The following RBFOX1 variants were observed in gnomAD, a reference collection of about 807,000 sequenced individuals.
The protein encoded by RBFOX1 is RNA binding fox-1 homolog 1, also known as RNA binding protein fox-1 homolog 1.
A neutral mutation model predicts 57.7 loss-of-function variants in RBFOX1; 8 were observed. The observed-to-expected ratio is 0.14, with a 90% CI of 0.08 to 0.25. RBFOX1 has a LOEUF of 0.25. Among genes scored for constraint, RBFOX1 ranks in the 10% least tolerant of loss-of-function variants. The probability of loss-of-function intolerance (pLI) is 1.00; values close to 1 mark genes in which losing one functional copy is unlikely to be tolerated. For missense variants in RBFOX1, 611 were observed against 548.5 expected, an observed-to-expected ratio of 1.11 and a Z score of -1.14; for synonymous variants, 326 against 222.4, an observed-to-expected ratio of 1.47 and a Z score of -4.15.
chr16:7,040,973 T>C (rs1254303711), intron 3 of RBFOX1, among the ~76,000 whole-genome samples: 4 of 151,892 alleles, frequency 2.6e-5, no homozygotes, highest in Middle Eastern at 3.2e-3. Flanking sequence ...TGGAGTGCAA[T>C]GATGCAATCT....
chr16:6,391,425 A>G lies in RBFOX1; in HGVS notation c.-64+74368A>G, dbSNP rs567959266. Among the ~76,000 whole-genome samples the G allele has an allele frequency of 5.9e-5, 9 of 151,600 alleles. No individual in the cohort carries two copies. The East Asian group carries it at 9.8e-4, about 16-fold the overall frequency. On this transcript the variant is annotated intron_variant, in intron 2 of 15. Transcript: ENST00000550418. ...CTGGGGAGGCTGAGGCAGGAGAATG[A>G]CGTGAACCCGGGAGGTGGAGCTTGC... is the stretch of plus-strand genomic sequence containing the variant.
intron 1 of RBFOX1, among the ~76,000 whole-genome samples, chr16:5,432,306 C>T (rs552126188): frequency 2.1e-5 from 3 of 145,630 alleles, no homozygotes; most frequent in South Asian, 2.2e-4. Flanking sequence ...CAGGCCTCGC[C>T]GCAAGAAGCC....
intron 2 of RBFOX1, among the ~76,000 whole-genome samples, chr16:6,446,315 T>G (rs1157195120): frequency 6.6e-6 from 1 of 152,178 alleles, no homozygotes; most frequent in African/African-American, 2.4e-5. Context: ...TAGGTGCTTT[T>G]AAAAATATTA....
chr16:5,362,863 G>T (rs62017697), intron 1 of RBFOX1, among the ~76,000 whole-genome samples: 1 of 151,980 alleles, frequency 6.6e-6, no homozygotes, highest in African/African-American at 2.4e-5. Context: ...ATGTGGCAGG[G>T]TTTCCTTTTT....
At chr16:5,852,014 G>C (rs912911831) in intron 3 of RBFOX1, among the ~76,000 whole-genome samples, 17 of 152,094 alleles carry the variant, frequency 1.1e-4, no homozygotes, top group African/African-American at 3.6e-4. Flanking sequence ...TTTTAAAATC[G>C]GGGACAATGA....
rs542963602 is a variant in RBFOX1 at position 5,549,325 on chromosome 16, C to T, written c.259-49577C>T. ...TGTTCTTGGTTGAACTTTGCTTTCT[C>T]TCCTGGGTCCCCTGCTGGTAACTGG... is the stretch of plus-strand genomic sequence containing the variant. On this transcript the variant is annotated intron_variant, in intron 2 of 2. Transcript: ENST00000585867. 6.6e-5 allele frequency among the ~76,000 whole-genome samples: 10 copies of T among 152,336 alleles called. No individual in the cohort carries two copies. In the East Asian group the frequency reaches 1.5e-3, roughly 23 times the overall value.
chr16:7,162,271 C>A (rs1176676864), intron 4 of RBFOX1, among the ~76,000 whole-genome samples: 1 of 152,286 alleles, frequency 6.6e-6, no homozygotes, highest in African/African-American at 2.4e-5. Flanking sequence ...TATTTCCTCT[C>A]TCTCCATATG....
At chr16:5,347,474 A>T (rs559185194) in intron 1 of RBFOX1, among the ~76,000 whole-genome samples, 1 of 152,262 alleles carries the variant, frequency 6.6e-6, no homozygotes, top group African/African-American at 2.4e-5. Flanking sequence ...AGAGATAATA[A>T]TTATCATTGA....
At chr16:6,252,248 C>A (rs1311745099) in intron 1 of RBFOX1, among the ~76,000 whole-genome samples, 1 of 152,076 alleles carries the variant, frequency 6.6e-6, no homozygotes, top group African/African-American at 2.4e-5. Context: ...AATACGCCCC[C>A]ACCCTAAACC....
At chr16:6,058,832 T>C (rs11644056) in intron 1 of RBFOX1, among the ~76,000 whole-genome samples, 1,229 of 81,786 alleles carry the variant, frequency 0.015, 20 homozygotes, top group East Asian at 0.13. Context: ...ACTCATTTAT[T>C]TATCCATCCA....
At chr16:6,350,952 G>A (rs1320274843) in intron 2 of RBFOX1, among the ~76,000 whole-genome samples, 1 of 152,192 alleles carries the variant, frequency 6.6e-6, no homozygotes, top group African/African-American at 2.4e-5. Context: ...TCCTCACCAC[G>A]AAATGCCTGA....
chr16:6,366,211 C>A (rs189676351), intron 2 of RBFOX1, among the ~76,000 whole-genome samples: 1 of 151,812 alleles, frequency 6.6e-6, no homozygotes, highest in Non-Finnish European at 1.5e-5. Context: ...CTGGAAGATG[C>A]ATCTTGCTGG....
At chr16:7,458,738 T>G (rs1469634041) in intron 4 of RBFOX1, among the ~76,000 whole-genome samples, 2 of 152,112 alleles carry the variant, frequency 1.3e-5, no homozygotes, top group East Asian at 1.9e-4. Context: ...CTCATTACCT[T>G]TTCAGATAAG....
chr16:5,590,805 T>C (rs997137094), intron 2 of RBFOX1, among the ~76,000 whole-genome samples: 2 of 152,140 alleles, frequency 1.3e-5, no homozygotes, highest in Non-Finnish European at 2.9e-5. Flanking sequence ...TGAGAGTGCA[T>C]CTACCTCAGT....
At chr16:6,151,287 G>GT (rs905055919) in intron 1 of RBFOX1, among the ~76,000 whole-genome samples, 16 of 151,800 alleles carry the variant, frequency 1.1e-4, no homozygotes, top group Admixed American at 6.6e-5. Flanking sequence ...ATAATTAGTT[G>GT]TTTTTTTTCT....
At position 7,017,833 on chromosome 16, in the gene RBFOX1, A is replaced by G. The variant is rs546667630; in HGVS notation, c.-15-34224A>G. 7.2e-5 allele frequency among the ~76,000 whole-genome samples: 11 copies of G among 152,196 alleles called. No individual in the cohort carries two copies. In the South Asian group the frequency reaches 2.3e-3, roughly 32 times the overall value. The stretch of plus-strand genomic sequence containing the variant: ...AGCGTTTTCTTCTGTTTGTTTATTT[A>G]TTTATTTGTGCATTCATTCATTCAG... On this transcript the variant is annotated intron_variant, in intron 3 of 15. Coordinates refer to ENST00000550418, the MANE Select transcript of RBFOX1 (RefSeq NM_018723.4).
chr16:6,854,739 C>T (rs957887411), intron 3 of RBFOX1, among the ~76,000 whole-genome samples: 1 of 151,718 alleles, frequency 6.6e-6, no homozygotes, highest in South Asian at 2.1e-4. Flanking sequence ...GAACTACAGG[C>T]GCCTGCCATT....
chr16:6,703,698 C>A (rs771733975), intron 3 of RBFOX1, among the ~76,000 whole-genome samples: 1 of 151,956 alleles, frequency 6.6e-6, no homozygotes, highest in Non-Finnish European at 1.5e-5. Context: ...CACAGTTAGA[C>A]CCAGTTTCAA....
chr16:7,512,555 A>T (rs1260355192), intron 4 of RBFOX1, among the ~76,000 whole-genome samples: 1 of 152,030 alleles, frequency 6.6e-6, no homozygotes, highest in Non-Finnish European at 1.5e-5. Flanking sequence ...CTGTTTGAGA[A>T]CTCCAGGTAC....
Sources: allele counts gnomAD v4.1 joint callset (sites outside exome capture counted in the v4.1 genomes callset), GRCh38; gene constraint gnomAD v4.1.1; transcripts MANE v1.5; gene names NCBI Gene and HGNC (gene_info 2026-07-23, HGNC 2026-07-21).